Variants in ZNF804B observed in about 807,000 individuals in gnomAD.
ZNF804B encodes the protein zinc finger 804B.
Under a neutral mutation model 101.4 loss-of-function variants are expected in ZNF804B, and 80 were observed. That is an observed-to-expected ratio of 0.79 (90% CI 0.66 to 0.95). ZNF804B has a LOEUF of 0.95. Among genes scored for constraint, ZNF804B ranks in the 40% least tolerant of loss-of-function variants. The pLI is 0.00. For synonymous variants in ZNF804B, 622 were observed against 558.8 expected (o/e 1.11, Z -1.59); for missense variants, 1,673 against 1,561.9 (o/e 1.07, Z -1.20).
intron 1 of ZNF804B, among the ~76,000 whole-genome samples, chr7:89,014,883 A>T (rs75056193): frequency 0.023 from 3,435 of 152,154 alleles, 135 homozygotes; most frequent in African/African-American, 0.078. Flanking sequence ...TTTTGTTTTT[A>T]TCACCTGTTC....
In ZNF804B at chr7:88,870,182, C is replaced by T. The variant is rs369076837; in HGVS notation, c.108+110098C>T. Among the ~76,000 whole-genome samples, 79 of 150,760 alleles carry T rather than the reference C, an allele frequency of 5.2e-4. 2 individuals are homozygous for T. The highest frequency in any genetic ancestry group is 3.4e-3 in the Middle Eastern group (1 of 290). The stretch of plus-strand genomic sequence containing the variant: ...CGGGCGGATCACGAGGTCAGGAGAT[C>T]GAGACCATCCTGGCTAACACGGTGA... On this transcript the variant is annotated intron_variant, in intron 1 of 3. Coordinates refer to ENST00000333190, the MANE Select transcript of ZNF804B (RefSeq NM_181646.5).
chr7:88,799,951 A>G (rs554490533), intron 1 of ZNF804B, among the ~76,000 whole-genome samples: 2 of 152,068 alleles, frequency 1.3e-5, no homozygotes, highest in Non-Finnish European at 1.5e-5. Context: ...TCTCACATAC[A>G]TTCCTTTAAA....
intron 1 of ZNF804B, among the ~76,000 whole-genome samples, chr7:88,850,043 A>G (rs1395037895): frequency 6.6e-6 from 1 of 152,168 alleles, no homozygotes; most frequent in Non-Finnish European, 1.5e-5. Context: ...GATTCAAATA[A>G]TAGGAAGAAA....
intron 1 of ZNF804B, among the ~76,000 whole-genome samples, chr7:88,942,740 G>A (rs1486198401): frequency 6.6e-6 from 1 of 151,670 alleles, no homozygotes; most frequent in African/African-American, 2.4e-5. Flanking sequence ...GTCTTTTCTA[G>A]TCTTGGGACC....
intron 2 of ZNF804B, among the ~76,000 whole-genome samples, chr7:89,284,834 A>C (rs939351950): frequency 6.6e-6 from 1 of 152,168 alleles, no homozygotes; most frequent in African/African-American, 2.4e-5. Flanking sequence ...ATTAAAAAAA[A>C]AATCAAGATA....
At chr7:89,127,014 G>C (rs1584001928) in intron 1 of ZNF804B, among the ~76,000 whole-genome samples, 1 of 91,138 alleles carries the variant, frequency 1.1e-5, no homozygotes. Flanking sequence ...AGCCTACAAA[G>C]ACAAAGAACT....
intron 2 of ZNF804B, among the ~76,000 whole-genome samples, chr7:89,271,172 T>G (rs1432089026): frequency 1.3e-5 from 2 of 152,226 alleles, no homozygotes; most frequent in East Asian, 3.8e-4. Flanking sequence ...CTTCCAGTTT[T>G]TGCTTATTCA....
chr7:89,282,952 A>G (rs1790122370), intron 2 of ZNF804B, among the ~76,000 whole-genome samples: 2 of 152,134 alleles, frequency 1.3e-5, no homozygotes, highest in Non-Finnish European at 2.9e-5. Flanking sequence ...TGAAAGAATA[A>G]ATTTCTGTTG....
Position 89,236,609 on chromosome 7 carries a change from T to C in ZNF804B, c.249+18314T>C, listed in dbSNP as rs116945268. Among the ~76,000 whole-genome samples, 1,029 of 152,258 alleles carry C rather than the reference T, an allele frequency of 6.8e-3. 7 individuals are homozygous for C. Among genetic ancestry groups the C allele is most frequent in the Non-Finnish European group, 0.01 (707 of 67,970 alleles). On this transcript the variant is annotated intron_variant, in intron 2 of 3. Transcript: ENST00000333190. ...CACATTAGTCATATTAAATTCATGG[T>C]AAAATACAAAGAGTTCAGAATCCCA...
At chr7:89,053,760 G>T (rs1010117012) in intron 1 of ZNF804B, among the ~76,000 whole-genome samples, 1 of 150,792 alleles carries the variant, frequency 6.6e-6, no homozygotes, top group Non-Finnish European at 1.5e-5. Flanking sequence ...ATAATTGATT[G>T]TATACTCTTA....
chr7:89,038,964 C>G (rs1275040041), intron 1 of ZNF804B, among the ~76,000 whole-genome samples: 3 of 151,894 alleles, frequency 2.0e-5, no homozygotes, highest in East Asian at 1.9e-4. Context: ...GAACAATTGA[C>G]CATAAAAGTG....
chr7:88,940,393 A>G (rs1400638595), intron 1 of ZNF804B, among the ~76,000 whole-genome samples: 5 of 152,054 alleles, frequency 3.3e-5, no homozygotes, highest in Admixed American at 3.3e-4. Flanking sequence ...TAAGTATTCA[A>G]CTAAAGAAAT....
chr7:88,867,852 A>T (rs1372168214), intron 1 of ZNF804B, among the ~76,000 whole-genome samples: 3 of 152,304 alleles, frequency 2.0e-5, no homozygotes. Flanking sequence ...TTAAACTGAA[A>T]TATAGAGAAA....
intron 1 of ZNF804B, among the ~76,000 whole-genome samples, chr7:88,795,412 A>C (rs1790464782): frequency 6.6e-6 from 1 of 152,094 alleles, no homozygotes; most frequent in Non-Finnish European, 1.5e-5. Flanking sequence ...TAGTCATGTC[A>C]CTAATAGTTA....
At chr7:89,004,436 A>G (rs1026657595) in intron 1 of ZNF804B, among the ~76,000 whole-genome samples, 2 of 151,954 alleles carry the variant, frequency 1.3e-5, no homozygotes, top group Non-Finnish European at 2.9e-5. Flanking sequence ...ATGTGACTTT[A>G]TTTTATGAAG....
chr7:88,794,651 G>A (rs1284447791), intron 1 of ZNF804B: 2 of 1,613,792 alleles, frequency 1.2e-6, no homozygotes, highest in South Asian at 2.2e-5. Flanking sequence ...TCGAGGATAT[G>A]CAGAATGGAA....
At chr7:89,139,916 G>T (rs901709091) in intron 1 of ZNF804B, among the ~76,000 whole-genome samples, 3 of 152,004 alleles carry the variant, frequency 2.0e-5, no homozygotes, top group Non-Finnish European at 4.4e-5. Flanking sequence ...TTTCTGGAAG[G>T]TATTCAATTT....
intron 1 of ZNF804B, among the ~76,000 whole-genome samples, chr7:89,168,161 A>G (rs1042553021): frequency 4.6e-5 from 7 of 152,050 alleles, no homozygotes; most frequent in African/African-American, 1.7e-4. Flanking sequence ...TTTCTTCTGT[A>G]TTTCTCTTTG....
At chr7:89,167,168 A>G (rs995807094) in intron 1 of ZNF804B, among the ~76,000 whole-genome samples, 2 of 151,794 alleles carry the variant, frequency 1.3e-5, no homozygotes, top group African/African-American at 2.4e-5. Flanking sequence ...ACTTTCCAGT[A>G]TATTTCTAGA....
Sources: allele counts gnomAD v4.1 joint callset (sites outside exome capture counted in the v4.1 genomes callset), GRCh38; gene constraint gnomAD v4.1.1; transcripts MANE v1.5; gene names NCBI Gene and HGNC (gene_info 2026-07-23, HGNC 2026-07-21).